The following IL10RB variants were observed in gnomAD, a reference collection of about 807,000 sequenced individuals.
IL10RB encodes the protein interleukin-10 receptor subunit beta.
A neutral mutation model predicts 38.7 loss-of-function variants in IL10RB; 30 were observed. The ratio of observed to expected loss-of-function variants is 0.78; its 90% CI spans 0.58 to 1.05. IL10RB has a LOEUF of 1.05. IL10RB is among the 50% of genes least tolerant of loss of function. The probability of loss-of-function intolerance (pLI) is 0.00; values close to 1 mark genes in which losing one functional copy is unlikely to be tolerated. For missense variants in IL10RB, 328 were observed against 397.1 expected, an observed-to-expected ratio of 0.83 and a Z score of 1.48; for synonymous variants, 142 against 145.9, an observed-to-expected ratio of 0.97 and a Z score of 0.19.
chr21:33,302,868 T>C (rs1363585244), intron 1 of IL10RB, among the ~76,000 whole-genome samples: 1 of 152,198 alleles, frequency 6.6e-6, no homozygotes, highest in Non-Finnish European at 1.5e-5. Flanking sequence ...GGCTGGTTTT[T>C]CAGGACTGAC....
chr21:33,279,524 A>G (rs1473912695), intron 3 of IL10RB, among the ~76,000 whole-genome samples: 1 of 152,254 alleles, frequency 6.6e-6, no homozygotes, highest in African/African-American at 2.4e-5. Flanking sequence ...AGAAACCACA[A>G]TAAACATAAG....
At chr21:33,268,067 A>G in intron 1 of IL10RB, 1 of 459,646 alleles carries the variant, frequency 2.2e-6, no homozygotes. Flanking sequence ...CAAATGTATC[A>G]GGAAGTCTCC....
chr21:33,295,982 T>C (rs2123605769), intron 6 of IL10RB, among the ~76,000 whole-genome samples: 1 of 152,186 alleles, frequency 6.6e-6, no homozygotes, highest in East Asian at 1.9e-4. Context: ...AGGTGGAGGT[T>C]GCAGTGAGCT....
exon 2 of IL10RB, chr21:33,309,212 A>G (rs977087805): frequency 3.3e-5 from 5 of 152,366 alleles, no homozygotes; most frequent in African/African-American, 1.2e-4. Context: ...TCAAAGCGTC[A>G]TGGATGGATC....
chr21:33,283,175 T>C lies in IL10RB; in HGVS notation c.580T>C (p.Phe194Leu). The C allele has an allele frequency of 1.2e-6, 2 of 1,613,900 alleles. No homozygotes were observed. The highest frequency in any genetic ancestry group is 8.5e-7 in the Non-Finnish European group (1 of 1,179,952). ...WTTYCVQVRG[F>L]LPDRNKAGEW... ...AACTTATTGTGTTCAAGTTCGAGGG[T>C]TTCTTCCTGATCGGAACAAAGCTGG... Residue 194 changes from phenylalanine (F) to leucine (L), a missense_variant, in exon 5 of 7, where the codon TTT becomes CTT. Transcript: ENST00000290200.
chr21:33,293,867 G>C (rs1300260067), intron 6 of IL10RB: 3 of 396,952 alleles, frequency 7.6e-6, no homozygotes, highest in Non-Finnish European at 1.5e-5. Context: ...AATCCTCTAT[G>C]AGCTTTTGAG....
chr21:33,308,677 A>G (rs2083004615), intron 1 of IL10RB: 1 of 152,222 alleles, frequency 6.6e-6, no homozygotes, highest in South Asian at 2.1e-4. Context: ...CATCTAAGCT[A>G]CGGGTAAGAA....
At chr21:33,282,861 G>A (rs111228802) in intron 4 of IL10RB, among the ~76,000 whole-genome samples, 6 of 152,174 alleles carry the variant, frequency 3.9e-5, no homozygotes, top group Non-Finnish European at 8.8e-5. Context: ...GTGATGGCTT[G>A]TGTGTCATTT....
intron 5 of IL10RB, among the ~76,000 whole-genome samples, chr21:33,283,665 A>G (rs1989320756): frequency 6.6e-6 from 1 of 152,258 alleles, no homozygotes. Context: ...AGCAAGTGTC[A>G]GGAAATCTGA....
Position 33,270,779 on chromosome 21 carries a change from A to G in IL10RB, c.173+2262A>G, listed in dbSNP as rs191464610. ...AGCCTCCACCTCCTGGGTTCAAGCG[A>G]TTCTCCTGCCTCAGCCTCCTGAGTA... is the stretch of plus-strand genomic sequence containing the variant. On this transcript the variant is annotated intron_variant, in intron 2 of 6. Coordinates refer to ENST00000290200, the MANE Select transcript of IL10RB (RefSeq NM_000628.5). Among the ~76,000 whole-genome samples, 1,096 of 150,074 alleles carry G rather than the reference A, an allele frequency of 7.3e-3. 15 individuals are homozygous for G. Among genetic ancestry groups the G allele is most frequent in the Middle Eastern group, 0.031 (9 of 294 alleles).
intron 6 of IL10RB, among the ~76,000 whole-genome samples, chr21:33,293,704 G>T (rs1356268451): frequency 2.0e-5 from 3 of 152,142 alleles, no homozygotes; most frequent in African/African-American, 7.2e-5. Flanking sequence ...CTACTCAGGA[G>T]GCTGAGGCAC....
intron 5 of IL10RB, among the ~76,000 whole-genome samples, chr21:33,284,454 A>G (rs1180275823): frequency 6.6e-6 from 1 of 152,192 alleles, no homozygotes; most frequent in African/African-American, 2.4e-5. Context: ...TTCTTAAAAC[A>G]CACCTATCCC....
At chr21:33,305,196 C>T (rs578187243) in intron 1 of IL10RB, among the ~76,000 whole-genome samples, 5 of 152,258 alleles carry the variant, frequency 3.3e-5, no homozygotes, top group Admixed American at 2.0e-4. Context: ...CAGCTTCCAT[C>T]TCCCCAGGCT....
chr21:33,300,718 C>G (rs2082983856), downstream of IL10RB, among the ~76,000 whole-genome samples: 1 of 152,124 alleles, frequency 6.6e-6, no homozygotes, highest in African/African-American at 2.4e-5. Flanking sequence ...AGGAGCTGCC[C>G]ATCTCTTCCA....
At chr21:33,287,125 A>G (rs1409134274) in intron 5 of IL10RB, among the ~76,000 whole-genome samples, 1 of 152,150 alleles carries the variant, frequency 6.6e-6, no homozygotes, top group Non-Finnish European at 1.5e-5. Flanking sequence ...TGGGAGATAC[A>G]TACATGTCTC....
chr21:33,269,543 C>T (rs1043181421), intron 2 of IL10RB, among the ~76,000 whole-genome samples: 1 of 152,044 alleles, frequency 6.6e-6, no homozygotes, highest in Non-Finnish European at 1.5e-5. Flanking sequence ...GCATTGCTGG[C>T]TTTTGTTTTT....
At chr21:33,266,549 A>T (rs1316431373) in intron 1 of IL10RB, 35 bp downstream of exon 1, 2 of 1,537,104 alleles carry the variant, frequency 1.3e-6, no homozygotes, top group African/African-American at 2.7e-5. Context: ...GCGCTTGGGA[A>T]CCGGGAGGCC....
In IL10RB at chr21:33,266,422, G is replaced by A. The variant is rs1404771368; in HGVS notation, c.-44G>A. 1.3e-6 allele frequency: 2 copies of A among 1,536,318 alleles called. No individual in the cohort carries two copies. The highest frequency in any genetic ancestry group is 2.8e-5 in the African/African-American group (2 of 72,552). On this transcript the variant is annotated 5_prime_UTR_variant, in exon 1 of 7. Coordinates refer to ENST00000290200, the MANE Select transcript of IL10RB (RefSeq NM_000628.5). ...ACAAGCTCTCCCGGGCGCGGGCGGG[G>A]GTCGTGTGCTTGGAGGAAGCCGCGG... is the stretch of plus-strand genomic sequence containing the variant.
rs548545113 is a variant in IL10RB at position 33,295,105 on chromosome 21, C to G, written c.805-1079C>G. Among the ~76,000 whole-genome samples, 15 of 152,322 alleles carry G rather than the reference C, an allele frequency of 9.8e-5. No homozygotes were observed. The East Asian group carries it at 2.7e-3, about 27-fold the overall frequency. The stretch of plus-strand genomic sequence containing the variant: ...ATTGGGCCGGGTGCGGTGGCTCACG[C>G]CTGTAATCCCAGCATTTTGGGAGGC... On this transcript the variant is annotated intron_variant, in intron 6 of 6. Coordinates refer to ENST00000290200, the MANE Select transcript of IL10RB (RefSeq NM_000628.5).
Sources: gnomAD v4.1 joint callset for allele counts (sites outside exome capture counted in the v4.1 genomes callset) on GRCh38, gnomAD v4.1.1 for gene constraint, MANE v1.5 for transcripts, NCBI Gene and HGNC (gene_info 2026-07-23, HGNC 2026-07-21) for gene names.